NRG2: variants seen among roughly 807,000 people sequenced by gnomAD.
NRG2 encodes pro-neuregulin-2, membrane-bound isoform.
Under a neutral mutation model 73.9 loss-of-function variants are expected in NRG2, and 27 were observed. The observed-to-expected ratio is 0.37, with a 90% CI of 0.27 to 0.50. The LOEUF is 0.50. Ranked by LOEUF, NRG2 falls within the 20% of genes least tolerant of loss-of-function variation. The probability of loss-of-function intolerance (pLI) is 0.96; values close to 1 mark genes in which losing one functional copy is unlikely to be tolerated. For synonymous variants in NRG2, 532 were observed against 541.0 expected (o/e 0.98, Z 0.23); for missense variants, 1,126 against 1,210.1 (o/e 0.93, Z 1.03).
intron 1 of NRG2, among the ~76,000 whole-genome samples, chr5:139,980,643 G>A (rs1018589642): frequency 6.6e-6 from 1 of 152,192 alleles, no homozygotes; most frequent in African/African-American, 2.4e-5. Flanking sequence ...CAACCCCAAT[G>A]AGCTCTGTGG....
chr5:139,887,925 C>T lies in NRG2; in HGVS notation c.701-414G>A, dbSNP rs746127614. 9.2e-5 allele frequency among the ~76,000 whole-genome samples: 14 copies of T among 152,144 alleles called. No homozygotes were observed. The highest frequency in any genetic ancestry group is 1.4e-4 in the African/African-American group (6 of 41,432). The stretch of plus-strand genomic sequence containing the variant: ...TCTCCTTGACATCAGTGCTCAGGAT[C>T]TAAAATCATGGGTAACAAGCCATGG... On this transcript the variant is annotated intron_variant, in intron 1 of 9. Coordinates refer to ENST00000361474, the MANE Select transcript of NRG2 (RefSeq NM_004883.3). This position sits in a 1 kb window ranked among gnomAD's most constrained non-coding sequence, Gnocchi z 4.5.
chr5:140,014,960 C>G (rs1217627803), intron 1 of NRG2, among the ~76,000 whole-genome samples: 1 of 152,142 alleles, frequency 6.6e-6, no homozygotes, highest in East Asian at 1.9e-4. Flanking sequence ...TGCTGTTCCC[C>G]AAACATGCCA....
chr5:139,866,129 C>T (rs1373560771), intron 4 of NRG2, among the ~76,000 whole-genome samples: 1 of 152,138 alleles, frequency 6.6e-6, no homozygotes, highest in Admixed American at 6.5e-5. Flanking sequence ...TCAGATAACT[C>T]GGGAATGCTG....
Position 140,042,895 on chromosome 5 carries a change from G to T in NRG2, c.175C>A (p.Pro59Thr). ...SSSNNSSISR[P>T]AAPPEPRPQQ... ...GGCCGCGGCTCTGGGGGCGCAGCGG[G>T]ACGAGAGATGCTGCTGTTGTTGCTG... Residue 59 changes from proline to threonine, a missense_variant, in exon 1 of 10, where the codon CCC becomes ACC. Physicochemically the swap from Pro to Thr is conservative, Grantham distance 38. Transcript: ENST00000361474. The T allele has an allele frequency of 6.5e-7, 1 of 1,526,846 alleles. No individual in the cohort carries two copies. Among genetic ancestry groups the T allele is most frequent in the Non-Finnish European group, 8.8e-7 (1 of 1,138,156 alleles). 94.6% of individuals were successfully genotyped at this position (1,526,846 alleles called of 1,614,324 possible). A position where few individuals can be genotyped will look rare whatever the true frequency, so the allele number is the denominator to read the frequency against.
chr5:139,873,581 G>A (rs960171030), intron 3 of NRG2, among the ~76,000 whole-genome samples: 10 of 152,262 alleles, frequency 6.6e-5, no homozygotes, highest in Non-Finnish European at 1.5e-4. Context: ...CTCCCCATCA[G>A]CACCCAGGCT....
At chr5:139,864,096 A>G (rs954379912) in intron 5 of NRG2, among the ~76,000 whole-genome samples, 2 of 152,088 alleles carry the variant, frequency 1.3e-5, no homozygotes, top group East Asian at 1.9e-4. Context: ...CACACTCCTC[A>G]TGGGGCCCAG....
At chr5:139,899,052 C>T (rs1036737127) in intron 1 of NRG2, among the ~76,000 whole-genome samples, 1 of 152,234 alleles carries the variant, frequency 6.6e-6, no homozygotes, top group Non-Finnish European at 1.5e-5. Flanking sequence ...CAGGGTCAGC[C>T]TTGTAATTGA....
intron 3 of NRG2, among the ~76,000 whole-genome samples, chr5:139,872,881 C>T (rs1762952500): frequency 6.6e-6 from 1 of 152,220 alleles, no homozygotes; most frequent in Admixed American, 6.5e-5. Flanking sequence ...AGAAGCAGGT[C>T]CTGCTCCCCT....
intron 2 of NRG2, among the ~76,000 whole-genome samples, chr5:139,886,015 G>C (rs1763838589): frequency 6.6e-6 from 1 of 152,094 alleles, no homozygotes; most frequent in South Asian, 2.1e-4. Flanking sequence ...AGGTGGGCTG[G>C]GTGGGCAGCC....
chr5:139,941,377 G>T (rs71581514), intron 1 of NRG2, among the ~76,000 whole-genome samples: 23,179 of 151,528 alleles, frequency 0.15, 1,973 homozygotes, highest in South Asian at 0.25. Context: ...TAGAATTTTT[G>T]GGGGGTGGGG....
chr5:139,915,786 C>T lies in NRG2; in HGVS notation c.701-28275G>A, dbSNP rs971126606. On this transcript the variant is annotated intron_variant, in intron 1 of 9. Coordinates refer to ENST00000361474, the MANE Select transcript of NRG2 (RefSeq NM_004883.3). This position sits in a 1 kb window ranked among gnomAD's most constrained non-coding sequence, Gnocchi z 4.0. Reference sequence around the variant, plus strand: ...GGAAGGATCATGGTGACATTTGTATCGCAAAAGATGAGCTGAGAGTACAGG... The same window carrying T: ...GGAAGGATCATGGTGACATTTGTATTGCAAAAGATGAGCTGAGAGTACAGG... Among the ~76,000 whole-genome samples, 17 of 152,120 alleles carry T rather than the reference C, an allele frequency of 1.1e-4. No individual in the cohort carries two copies. Among genetic ancestry groups the T allele is most frequent in the Non-Finnish European group, 7.3e-5 (5 of 68,034 alleles).
chr5:139,895,522 G>C (rs1363182604), intron 1 of NRG2, among the ~76,000 whole-genome samples: 4 of 152,210 alleles, frequency 2.6e-5, no homozygotes, highest in Non-Finnish European at 5.9e-5. Flanking sequence ...TGGCACGGAT[G>C]AGGCACAGAG....
intron 1 of NRG2, among the ~76,000 whole-genome samples, chr5:139,976,097 T>A (rs779762534): frequency 3.3e-5 from 5 of 152,202 alleles, no homozygotes; most frequent in Admixed American, 6.5e-5. Context: ...CTGAGAGACT[T>A]GTCCAAGGTC....
intron 1 of NRG2, among the ~76,000 whole-genome samples, chr5:139,893,119 C>A (rs918479985): frequency 1.3e-5 from 2 of 152,208 alleles, no homozygotes; most frequent in Non-Finnish European, 2.9e-5. Context: ...CCACTGTAGG[C>A]ATTTTCAAAT....
chr5:140,028,201 C>T (rs1457526821), intron 1 of NRG2, among the ~76,000 whole-genome samples: 1 of 152,120 alleles, frequency 6.6e-6, no homozygotes, highest in African/African-American at 2.4e-5. Flanking sequence ...GTATTGCATC[C>T]GTACTATTAA....
intron 5 of NRG2, among the ~76,000 whole-genome samples, chr5:139,859,321 G>A (rs1422744619): frequency 6.6e-6 from 1 of 152,118 alleles, no homozygotes; most frequent in Non-Finnish European, 1.5e-5. Flanking sequence ...ACAGCCTCAA[G>A]CAGATGGCAA....
chr5:139,990,607 C>T (rs1257500703), intron 1 of NRG2, among the ~76,000 whole-genome samples: 8 of 152,082 alleles, frequency 5.3e-5, no homozygotes, highest in Admixed American at 2.0e-4. Context: ...TGCCCAGCAC[C>T]CACTAGCAAT....
intron 1 of NRG2, among the ~76,000 whole-genome samples, chr5:139,961,710 G>GA (rs1296533185): frequency 6.6e-6 from 1 of 152,166 alleles, no homozygotes; most frequent in Non-Finnish European, 1.5e-5. Flanking sequence ...GATTGTGGTT[G>GA]GCCCCCTGCT....
At chr5:139,926,036 G>A (rs1177088780) in intron 1 of NRG2, among the ~76,000 whole-genome samples, 2 of 152,232 alleles carry the variant, frequency 1.3e-5, no homozygotes, top group African/African-American at 2.4e-5. Flanking sequence ...AGCCAATGTG[G>A]CTGTTGCAGC....
Sources: allele counts gnomAD v4.1 joint callset (sites outside exome capture counted in the v4.1 genomes callset), GRCh38; gene constraint gnomAD v4.1.1; non-coding constraint Gnocchi (gnomAD v3.1); transcripts MANE v1.5; gene names NCBI Gene and HGNC (gene_info 2026-07-23, HGNC 2026-07-21).